The following CACNA2D3 variants were observed in gnomAD, a reference collection of about 807,000 sequenced individuals.
The protein encoded by CACNA2D3 is voltage-dependent calcium channel subunit alpha-2/delta-3.
In CACNA2D3, 60 loss-of-function variants were observed where a neutral mutation model predicts 160.6. That is an observed-to-expected ratio of 0.37 (90% confidence interval 0.30 to 0.46). CACNA2D3 has a LOEUF of 0.46. Ranked by LOEUF, CACNA2D3 falls within the 20% of genes least tolerant of loss-of-function variation. The pLI, the probability that CACNA2D3 is intolerant of heterozygous loss-of-function variation, is 1.00. For synonymous variants in CACNA2D3, 558 were observed against 492.9 expected (o/e 1.13, Z -1.75); for missense variants, 1,205 against 1,365.0 (o/e 0.88, Z 1.85).
At chr3:55,053,352 A>T (rs904355447) in intron 35 of CACNA2D3, among the ~76,000 whole-genome samples, 3 of 151,938 alleles carry the variant, frequency 2.0e-5, no homozygotes, top group Admixed American at 6.6e-5. Context: ...CTCTGATAGG[A>T]TTTTGATTGA....
At chr3:54,711,131 A>G (rs906841034) in intron 11 of CACNA2D3, among the ~76,000 whole-genome samples, 1 of 152,180 alleles carries the variant, frequency 6.6e-6, no homozygotes, top group African/African-American at 2.4e-5. Context: ...CCATAAAATA[A>G]CGTGATTTTT....
At chr3:55,044,704 G>C (rs1704038452) in intron 35 of CACNA2D3, among the ~76,000 whole-genome samples, 1 of 152,046 alleles carries the variant, frequency 6.6e-6, no homozygotes, top group Non-Finnish European at 1.5e-5. Context: ...TTTTAGGGGG[G>C]AAAGCTGTTA....
chr3:54,506,692 T>G lies in CACNA2D3; in HGVS notation c.544+3038T>G, dbSNP rs74484776. Among the ~76,000 whole-genome samples, 431 of 152,312 alleles carry G rather than the reference T, an allele frequency of 2.8e-3. 3 individuals are homozygous for G. The highest frequency in any genetic ancestry group is 9.9e-3 in the African/African-American group (411 of 41,566). On this transcript the variant is annotated intron_variant, in intron 5 of 37. Transcript: ENST00000474759. ...AGAAATGCATCTCAGGGCCCTCAGG[T>G]TGCCTGATGCAGCAGCTTTTTTCAT...
intron 2 of CACNA2D3, among the ~76,000 whole-genome samples, chr3:54,256,665 G>T (rs1331725119): frequency 6.6e-6 from 1 of 150,638 alleles, no homozygotes; most frequent in Non-Finnish European, 1.5e-5. Context: ...TCACATTAAT[G>T]GCATTGTGCT....
At chr3:54,743,521 G>A (rs990635543) in intron 11 of CACNA2D3, among the ~76,000 whole-genome samples, 23 of 152,218 alleles carry the variant, frequency 1.5e-4, no homozygotes, top group Admixed American at 8.5e-4. Flanking sequence ...AGGCACTGGA[G>A]GGCTTTAAGC....
At chr3:54,403,100 C>A (rs986880354) in intron 4 of CACNA2D3, among the ~76,000 whole-genome samples, 1 of 152,002 alleles carries the variant, frequency 6.6e-6, no homozygotes, top group African/African-American at 2.4e-5. Context: ...GTGGCTCACA[C>A]CTATAATCCC....
intron 27 of CACNA2D3, among the ~76,000 whole-genome samples, chr3:54,912,853 G>A (rs1700588495): frequency 6.6e-6 from 1 of 152,056 alleles, no homozygotes. Context: ...CCACATTGTA[G>A]ACGGTCTTCA....
chr3:54,169,045 A>G lies in CACNA2D3; in HGVS notation c.204+45451A>G, dbSNP rs146639528. ...TTTGAGGACACTGAGAATATGAAAC[A>G]TGCCATCACAACTGGCAGGGAAATG... On this transcript the variant is annotated intron_variant, in intron 2 of 37. Transcript: ENST00000474759. Among the ~76,000 whole-genome samples the G allele has an allele frequency of 5.7e-3, 875 of 152,344 alleles. 2 individuals carry two copies. Among genetic ancestry groups the G allele is most frequent in the Non-Finnish European group, 8.5e-3 (575 of 68,042 alleles).
At chr3:54,733,577 C>T (rs1701435391) in intron 11 of CACNA2D3, among the ~76,000 whole-genome samples, 1 of 152,150 alleles carries the variant, frequency 6.6e-6, no homozygotes, top group African/African-American at 2.4e-5. Context: ...AACATTAGGC[C>T]TCCCGGGCCC....
intron 5 of CACNA2D3, among the ~76,000 whole-genome samples, chr3:54,525,366 A>T (rs1014505014): frequency 6.6e-6 from 1 of 152,126 alleles, no homozygotes; most frequent in African/African-American, 2.4e-5. Flanking sequence ...AGGTGAAGAC[A>T]TGGGCATTCA....
In CACNA2D3 at chr3:54,623,172, G is replaced by T. The variant is rs1018903402; in HGVS notation, c.964-4615G>T. Among the ~76,000 whole-genome samples, 9 of 140,490 alleles carry T rather than the reference G, an allele frequency of 6.4e-5. No individual in the cohort carries two copies. The Admixed American group carries it at 6.7e-4, about 10-fold the overall frequency. The allele number at this position is 140,490 out of a possible 152,430, so 92.2% of individuals were successfully genotyped here. A position where few individuals can be genotyped will look rare whatever the true frequency, so the allele number is the denominator to read the frequency against. ...TTACCTAAAAGGCCAGGCATGCCCGGATCTAGGGGCTCAAGCCTTGTTGTC... is the reference window on the plus strand; with the variant it reads ...TTACCTAAAAGGCCAGGCATGCCCGTATCTAGGGGCTCAAGCCTTGTTGTC... On this transcript the variant is annotated intron_variant, in intron 9 of 37. Transcript: ENST00000474759.
intron 2 of CACNA2D3, among the ~76,000 whole-genome samples, chr3:54,176,181 G>A (rs186157601): frequency 7.9e-5 from 12 of 152,264 alleles, no homozygotes; most frequent in Non-Finnish European, 1.6e-4. Context: ...ATTTTATTGT[G>A]TTACACTGGC....
At chr3:54,437,988 T>G (rs1006338882) in intron 4 of CACNA2D3, among the ~76,000 whole-genome samples, 5 of 152,126 alleles carry the variant, frequency 3.3e-5, no homozygotes, top group Admixed American at 6.6e-5. Context: ...ATAGAGATAT[T>G]TACACAGTGT....
In CACNA2D3 at chr3:54,720,834, C is replaced by T. The variant is rs564792029; in HGVS notation, c.1168-31765C>T. Among the ~76,000 whole-genome samples the T allele has an allele frequency of 5.3e-5, 8 of 152,176 alleles. No individual in the cohort carries two copies. In the South Asian group the frequency reaches 1.7e-3, roughly 32 times the overall value. On this transcript the variant is annotated intron_variant, in intron 11 of 37. Transcript: ENST00000474759. ...TGTCGAATCAGCTCTTTTATTATTA[C>T]ATCTAAATACATAGTATCACTTATA...
chr3:54,268,290 T>C (rs1381119795), intron 2 of CACNA2D3, among the ~76,000 whole-genome samples: 2 of 152,326 alleles, frequency 1.3e-5, no homozygotes, highest in Non-Finnish European at 1.5e-5. Context: ...GCTGATACCA[T>C]GTCCAGTGGC....
intron 2 of CACNA2D3, among the ~76,000 whole-genome samples, chr3:54,183,029 A>G (rs1700809801): frequency 1.3e-5 from 2 of 152,132 alleles, no homozygotes; most frequent in South Asian, 2.1e-4. Context: ...GTGGGAAATA[A>G]TCAGAGACAA....
intron 3 of CACNA2D3, among the ~76,000 whole-genome samples, chr3:54,380,455 C>T (rs1188219537): frequency 2.0e-5 from 3 of 152,198 alleles, no homozygotes; most frequent in Non-Finnish European, 4.4e-5. Flanking sequence ...AAAACAAAAG[C>T]CAGCCGGGTG....
At chr3:54,476,954 T>G (rs937938869) in intron 4 of CACNA2D3, among the ~76,000 whole-genome samples, 1 of 152,178 alleles carries the variant, frequency 6.6e-6, no homozygotes, top group East Asian at 1.9e-4. Context: ...CCATATCTGG[T>G]TGTAAAGAAA....
chr3:54,527,368 C>T (rs1349064703), intron 5 of CACNA2D3, among the ~76,000 whole-genome samples: 4 of 152,152 alleles, frequency 2.6e-5, no homozygotes, highest in Non-Finnish European at 5.9e-5. Context: ...CCCAGCCTCC[C>T]CTGGGCACAA....
Sources: gnomAD v4.1 joint callset for allele counts (sites outside exome capture counted in the v4.1 genomes callset) on GRCh38, gnomAD v4.1.1 for gene constraint, MANE v1.5 for transcripts, NCBI Gene and HGNC (gene_info 2026-07-23, HGNC 2026-07-21) for gene names.